The following KIF5B variants were observed in gnomAD, a reference collection of about 807,000 sequenced individuals.
The protein encoded by KIF5B is kinesin family member 5B.
A neutral mutation model predicts 132.8 loss-of-function variants in KIF5B; 49 were observed. The ratio of observed to expected loss-of-function variants is 0.37; its 90% CI spans 0.29 to 0.47. The LOEUF is 0.47. KIF5B is among the 20% of genes least tolerant of loss of function. The pLI is 1.00. For synonymous variants in KIF5B, 355 were observed against 369.4 expected (o/e 0.96, Z 0.45); for missense variants, 780 against 1,144.0 (o/e 0.68, Z 4.59).
chr10:32,029,428 C>A (rs1841372882), intron 14 of KIF5B, among the ~76,000 whole-genome samples: 1 of 152,138 alleles, frequency 6.6e-6, no homozygotes, highest in African/African-American at 2.4e-5. Context: ...CATTTATTGA[C>A]TTTTCATCAG....
intron 1 of KIF5B, 74 bp downstream of exon 1, chr10:32,055,774 T>C (rs1199907174): frequency 6.4e-7 from 1 of 1,568,660 alleles, no homozygotes; most frequent in Non-Finnish European, 8.6e-7. Context: ...TTCTGCACCC[T>C]GCCACTTCCC....
intron 2 of KIF5B, 83 bp from the exon 3 acceptor site, chr10:32,040,540 G>A: frequency 2.6e-6 from 2 of 761,832 alleles, no homozygotes; most frequent in Admixed American, 2.4e-5. Flanking sequence ...AGGATGACAG[G>A]GTAGAGAAAA....
At chr10:32,039,565 T>TA in intron 3 of KIF5B, 134 bp from the exon 4 acceptor site, 2 of 566,264 alleles carry the variant, frequency 3.5e-6, no homozygotes, top group Non-Finnish European at 6.2e-6. Flanking sequence ...TGTAAATACC[T>TA]AAAAAATCCA....
At chr10:32,018,441 T>C (rs1048921693) in intron 21 of KIF5B, 54 bp from the exon 22 acceptor site, 102 of 1,589,174 alleles carry the variant, frequency 6.4e-5, no homozygotes, top group Non-Finnish European at 8.5e-5. Context: ...TTTAGAATAA[T>C]CATGGTAGAA....
intron 16 of KIF5B, 73 bp downstream of exon 16, chr10:32,022,775 A>C: frequency 8.7e-7 from 1 of 1,152,128 alleles, no homozygotes; most frequent in Admixed American, 2.2e-5. Context: ...CATTTTTCTG[A>C]AAACTTGTAT....
chr10:32,018,002 T>C (rs1427605216), intron 23 of KIF5B, 50 bp downstream of exon 23: 5 of 1,015,946 alleles, frequency 4.9e-6, no homozygotes, highest in Non-Finnish European at 7.3e-6. Context: ...CAATCCTCAA[T>C]TTTTGATTTT....
chr10:32,043,833 T>G (rs1347219603), intron 2 of KIF5B, among the ~76,000 whole-genome samples: 2 of 151,818 alleles, frequency 1.3e-5, no homozygotes, highest in African/African-American at 2.4e-5. Context: ...ACCCAGAGAG[T>G]ACTATCTGCT....
At chr10:32,036,034 G>C (rs760201849) in intron 8 of KIF5B, 40 bp from the exon 9 acceptor site, 8 of 1,320,516 alleles carry the variant, frequency 6.1e-6, no homozygotes, top group Non-Finnish European at 8.3e-6. Flanking sequence ...AAAATTACAA[G>C]TTTATAATTT....
chr10:32,049,928 T>C (rs1564471537), intron 1 of KIF5B, among the ~76,000 whole-genome samples: 1 of 142,256 alleles, frequency 7.0e-6, no homozygotes, highest in African/African-American at 2.5e-5. Context: ...TCTAAGAAAG[T>C]TATTTTTTTT....
At chr10:32,027,123 T>C (rs1319592054) in intron 15 of KIF5B, among the ~76,000 whole-genome samples, 2 of 152,238 alleles carry the variant, frequency 1.3e-5, no homozygotes, top group Admixed American at 6.5e-5. Context: ...GTGTACTCCA[T>C]ATTGAAAACT....
Position 32,038,366 on chromosome 10 carries a change from G to A in KIF5B, c.443-148C>T, listed in dbSNP as rs1841488633. 19 of 620,550 alleles carry A rather than the reference G, an allele frequency of 3.1e-5. No individual in the cohort carries two copies. In the South Asian group the frequency reaches 3.8e-4, roughly 13 times the overall value. The allele number at this position is 620,550 out of a possible 1,614,324, so 38.4% of individuals were successfully genotyped here. ...ACATTGCTCTAAAGCAGACCTTACAGACACAGCAGGAGATGTAAATAGAAA... is the reference window on the plus strand; with the variant it reads ...ACATTGCTCTAAAGCAGACCTTACAAACACAGCAGGAGATGTAAATAGAAA... On this transcript the variant is annotated intron_variant, in intron 5 of 25. Coordinates refer to ENST00000302418, the MANE Select transcript of KIF5B (RefSeq NM_004521.3).
At chr10:32,016,302 C>T (rs1466980432) in intron 24 of KIF5B, among the ~76,000 whole-genome samples, 1 of 151,642 alleles carries the variant, frequency 6.6e-6, no homozygotes, top group African/African-American at 2.4e-5. Context: ...ACTAAAAATA[C>T]AAAATTAGCT....
At chr10:32,013,848 T>G (rs1476846434) in intron 25 of KIF5B, among the ~76,000 whole-genome samples, 1 of 152,200 alleles carries the variant, frequency 6.6e-6, no homozygotes. Flanking sequence ...TGGATGGAAC[T>G]CCATAGTCCC....
intron 24 of KIF5B, among the ~76,000 whole-genome samples, chr10:32,016,470 A>AAAAT (rs199956560): frequency 2.1e-4 from 32 of 152,174 alleles, no homozygotes; most frequent in African/African-American, 3.4e-4. Context: ...AAACAAGCAA[A>AAAAT]AAATAAATAA....
chr10:32,056,202 G>A lies in KIF5B; in HGVS notation c.-229C>T, dbSNP rs1188014506. ...CTTCCGATCCATCATGGCAGCCATG[G>A]CGGCGGCAGCGGCGGCGGCACCGGG... On this transcript the variant is annotated 5_prime_UTR_variant, in exon 1 of 26. Coordinates refer to ENST00000302418, the MANE Select transcript of KIF5B (RefSeq NM_004521.3). 4 of 504,994 alleles carry A rather than the reference G, an allele frequency of 7.9e-6. No individual in the cohort carries two copies. The highest frequency in any genetic ancestry group is 1.0e-5 in the Non-Finnish European group (3 of 292,078). 31.3% of individuals were successfully genotyped at this position (504,994 alleles called of 1,614,324 possible). A position where few individuals can be genotyped will look rare whatever the true frequency, so the allele number is the denominator to read the frequency against.
chr10:32,034,112 T>G (rs1037139758), intron 11 of KIF5B, 74 bp from the exon 12 acceptor site: 5 of 161,010 alleles, frequency 3.1e-5, no homozygotes, highest in Non-Finnish European at 4.3e-5. Flanking sequence ...CCTTTAAAAA[T>G]TTTTTTTTTT....
chr10:32,030,720 C>T (rs1841393047), intron 14 of KIF5B, among the ~76,000 whole-genome samples: 1 of 152,144 alleles, frequency 6.6e-6, no homozygotes, highest in Admixed American at 6.5e-5. Flanking sequence ...GAACAATCAT[C>T]TAATAGCTTT....
At chr10:32,024,851 C>T (rs547388038) in intron 15 of KIF5B, among the ~76,000 whole-genome samples, 105 of 152,032 alleles carry the variant, frequency 6.9e-4, no homozygotes, top group African/African-American at 2.2e-3. Context: ...CTGAGGCAGG[C>T]GGACCACCTG....
chr10:32,048,600 C>G (rs774480836), intron 1 of KIF5B, 49 bp from the exon 2 acceptor site: 1 of 1,307,480 alleles, frequency 7.6e-7, no homozygotes, highest in Non-Finnish European at 1.1e-6. Flanking sequence ...GGTAAATGAA[C>G]ATTTCTAACC....
Sources: gnomAD v4.1 joint callset for allele counts (sites outside exome capture counted in the v4.1 genomes callset) on GRCh38, gnomAD v4.1.1 for gene constraint, MANE v1.5 for transcripts, NCBI Gene and HGNC (gene_info 2026-07-23, HGNC 2026-07-21) for gene names.